The following LATS2 variants were observed in gnomAD, a reference collection of about 807,000 sequenced individuals.
LATS2 encodes the protein large tumor suppressor kinase 2.
A neutral mutation model predicts 76.0 loss-of-function variants in LATS2; 24 were observed. That is an observed-to-expected ratio of 0.32 (90% CI 0.23 to 0.44). LATS2 has a LOEUF of 0.44. Among genes scored for constraint, LATS2 ranks in the 20% least tolerant of loss-of-function variants. The probability of loss-of-function intolerance (pLI) is 1.00; values close to 1 mark genes in which losing one functional copy is unlikely to be tolerated. For synonymous variants in LATS2, 692 were observed against 635.4 expected (o/e 1.09, Z -1.34); for missense variants, 1,286 against 1,481.2 (o/e 0.87, Z 2.16).
chr13:20,999,889 G>T (rs1024124992), intron 2 of LATS2, among the ~76,000 whole-genome samples: 1 of 150,660 alleles, frequency 6.6e-6, no homozygotes, highest in Non-Finnish European at 1.5e-5. Context: ...ATAGCCAGGC[G>T]TGGTGGCACA....
chr13:21,006,800 G>A (rs1656723046), intron 2 of LATS2, among the ~76,000 whole-genome samples: 2 of 152,210 alleles, frequency 1.3e-5, no homozygotes, highest in African/African-American at 4.8e-5. Context: ...CTTTTTAAGA[G>A]AGTAGCTGTG....
At chr13:21,044,609 T>C (rs1446712092) in intron 2 of LATS2, among the ~76,000 whole-genome samples, 2 of 152,282 alleles carry the variant, frequency 1.3e-5, no homozygotes, top group South Asian at 2.1e-4. Context: ...CCATTTTATA[T>C]GGTCCTGTCC....
Position 21,040,426 on chromosome 13 carries a change from G to T in LATS2, c.342+5259C>A, listed in dbSNP as rs117365594. On this transcript the variant is annotated intron_variant, in intron 2 of 7. Transcript: ENST00000382592. Reference sequence around the variant, plus strand: ...AGAAAAAGAAAGAAATGTCTTTGCTGTGGAAGTTTGAATAGGAACAGCTCG... The same window carrying T: ...AGAAAAAGAAAGAAATGTCTTTGCTTTGGAAGTTTGAATAGGAACAGCTCG... 2.2e-3 allele frequency among the ~76,000 whole-genome samples: 329 copies of T among 152,014 alleles called. 9 individuals are homozygous for T. In the East Asian group the frequency reaches 0.057, roughly 26 times the overall value.
chr13:20,988,975 C>A lies in LATS2; in HGVS notation c.805G>T (p.Val269Leu). 1 of 1,541,010 alleles carries A rather than the reference C, an allele frequency of 6.5e-7. No homozygotes were observed. Among genetic ancestry groups the A allele is most frequent in the Non-Finnish European group, 8.7e-7 (1 of 1,149,162 alleles). ...LVPGEPLGYG[V>L]QRSPSFQSKT... ...CTCTGGAAGGAGGGGCTGCGCTGCACTCCGTAGCCCAGGGGTTCCCCAGGC... is the reference window on the plus strand; with the variant it reads ...CTCTGGAAGGAGGGGCTGCGCTGCAATCCGTAGCCCAGGGGTTCCCCAGGC... The change falls in exon 4 of 8, where the codon GTG becomes TTG. Residue 269 changes from valine (V) to leucine (L), a missense_variant. Around this residue, in one of 5 missense-constraint regions of LATS2, gnomAD observed 710 missense variants for 660.9 expected, o/e 1.07. Transcript: ENST00000382592.
Position 20,988,038 on chromosome 13 carries a change from C to T in LATS2, c.1742G>A (p.Arg581His), listed in dbSNP as rs769433391. The T allele has an allele frequency of 6.2e-7, 1 of 1,614,228 alleles. No individual in the cohort carries two copies. The highest frequency in any genetic ancestry group is 8.5e-7 in the Non-Finnish European group (1 of 1,180,044). ...CTTCTCTTCGTCTCTGCTGTTTTTG[C>T]GGACGGGAACGGGAGAGGTCTGAAT... is the stretch of plus-strand genomic sequence containing the variant. The part of the protein sequence containing the change: ...KQIQTSPVPV[R>H]KNSRDEEKRE... Residue 581 changes from arginine to histidine, a missense_variant, in exon 4 of 8, where the codon CGC becomes CAC. Physicochemically the swap from Arg to His is conservative, Grantham distance 29 (BLOSUM62 0). This residue lies in a region of LATS2 where 710 missense variants were observed against 660.9 expected (regional missense o/e 1.07). Coordinates refer to ENST00000382592, the MANE Select transcript of LATS2 (RefSeq NM_014572.3).
At chr13:21,031,695 T>TA (rs1454733374) in intron 2 of LATS2, among the ~76,000 whole-genome samples, 1 of 151,974 alleles carries the variant, frequency 6.6e-6, no homozygotes, top group Non-Finnish European at 1.5e-5. Flanking sequence ...CCTGTCTCTA[T>TA]AAAAAAGTTA....
At chr13:21,058,818 A>G (rs1398192413) in intron 1 of LATS2, among the ~76,000 whole-genome samples, 1 of 152,240 alleles carries the variant, frequency 6.6e-6, no homozygotes, top group African/African-American at 2.4e-5. Context: ...CTATACCTGC[A>G]TGAGACAAAA....
At chr13:21,020,300 T>C (rs1219316181) in intron 2 of LATS2, among the ~76,000 whole-genome samples, 1 of 152,292 alleles carries the variant, frequency 6.6e-6, no homozygotes, top group East Asian at 1.9e-4. Flanking sequence ...CTTTCAGAGC[T>C]TGCACGAACA....
chr13:21,017,596 C>T lies in LATS2; in HGVS notation c.343-26192G>A, dbSNP rs1230835288. ...CTTGGGTGTCATCAGCAACCAGTGC[C>T]TTCCCTTCAAAAGATGACTCATTTC... On this transcript the variant is annotated intron_variant, in intron 2 of 7. Coordinates refer to ENST00000382592, the MANE Select transcript of LATS2 (RefSeq NM_014572.3). Among the ~76,000 whole-genome samples the T allele has an allele frequency of 2.0e-5, 3 of 150,908 alleles. No individual in the cohort carries two copies. The Admixed American group carries it at 2.0e-4, about 10-fold the overall frequency.
At chr13:20,975,437 C>A in intron 7 of LATS2, 73 bp from the exon 8 acceptor site, 1 of 1,437,668 alleles carries the variant, frequency 7.0e-7, no homozygotes, top group Non-Finnish European at 9.3e-7. Context: ...CGTGTGATGA[C>A]GTGACTTTCA....
chr13:21,051,292 T>C (rs1392082171), intron 1 of LATS2, among the ~76,000 whole-genome samples: 1 of 152,170 alleles, frequency 6.6e-6, no homozygotes, highest in Non-Finnish European at 1.5e-5. Flanking sequence ...AAAGACTGAT[T>C]TGCCTCTGAC....
rs1027036570 is a variant in LATS2 at position 21,026,742 on chromosome 13, G to A, written c.342+18943C>T. ...AGACAGAGGCAAGAGGATTGTTTGA[G>A]CCCAGGAGATGGAGACCAGCCTAGG... On this transcript the variant is annotated intron_variant, in intron 2 of 7. Transcript: ENST00000382592. Among the ~76,000 whole-genome samples, 6 of 152,274 alleles carry A rather than the reference G, an allele frequency of 3.9e-5. No homozygotes were observed. The East Asian group carries it at 1.2e-3, about 29-fold the overall frequency.
chr13:20,985,678 C>T (rs2138279542), intron 4 of LATS2, among the ~76,000 whole-genome samples: 1 of 152,150 alleles, frequency 6.6e-6, no homozygotes, highest in South Asian at 2.1e-4. Flanking sequence ...GCAGAGGTTG[C>T]AGTGAGCCGA....
chr13:21,052,637 C>T (rs1015189649), intron 1 of LATS2, among the ~76,000 whole-genome samples: 1 of 152,208 alleles, frequency 6.6e-6, no homozygotes, highest in African/African-American at 2.4e-5. Context: ...CAGGCGCGGG[C>T]TACCATGCCC....
intron 2 of LATS2, among the ~76,000 whole-genome samples, chr13:21,018,943 G>A (rs1002794413): frequency 1.3e-5 from 2 of 152,046 alleles, no homozygotes; most frequent in Admixed American, 1.3e-4. Context: ...ACTGTGCCTG[G>A]ACCCGAGTCC....
intron 2 of LATS2, among the ~76,000 whole-genome samples, chr13:21,040,747 T>TG (rs1872850691): frequency 6.6e-6 from 1 of 151,600 alleles, no homozygotes; most frequent in Admixed American, 6.6e-5. Context: ...GCCAGGGACG[T>TG]GGGGGGCAGC....
chr13:21,051,541 T>G (rs1380927017), intron 1 of LATS2, among the ~76,000 whole-genome samples: 1 of 152,078 alleles, frequency 6.6e-6, no homozygotes, highest in Non-Finnish European at 1.5e-5. Context: ...AGTTTCTGGT[T>G]TGAAAAATGG....
intron 4 of LATS2, among the ~76,000 whole-genome samples, chr13:20,984,563 A>C (rs762352987): frequency 2.6e-5 from 4 of 152,174 alleles, no homozygotes; most frequent in African/African-American, 4.8e-5. Context: ...TCTGTACACC[A>C]ATAATGAATG....
At chr13:20,995,671 A>G (rs1357375926) in intron 2 of LATS2, among the ~76,000 whole-genome samples, 1 of 152,170 alleles carries the variant, frequency 6.6e-6, no homozygotes, top group African/African-American at 2.4e-5. Context: ...GAAGATGGAG[A>G]TAAGGTACAC....
Sources: allele counts gnomAD v4.1 joint callset (sites outside exome capture counted in the v4.1 genomes callset), GRCh38; gene constraint gnomAD v4.1.1; regional missense constraint gnomAD v4.1.1; transcripts MANE v1.5; gene names NCBI Gene and HGNC (gene_info 2026-07-23, HGNC 2026-07-21).